ADAM32: variants seen among roughly 807,000 people sequenced by gnomAD.
ADAM32 encodes the protein disintegrin and metalloproteinase domain-containing protein 32.
Under a neutral mutation model 114.9 loss-of-function variants are expected in ADAM32, and 89 were observed. That is an observed-to-expected ratio of 0.77 (90% CI 0.65 to 0.92). The LOEUF (loss-of-function observed/expected upper bound fraction) is 0.92, where lower values mean the gene tolerates loss of function less well. Ranked by LOEUF, ADAM32 falls within the 40% of genes least tolerant of loss-of-function variation. The pLI is 0.00. For missense variants in ADAM32, 870 were observed against 932.8 expected, an observed-to-expected ratio of 0.93 and a Z score of 0.88; for synonymous variants, 285 against 307.5, an observed-to-expected ratio of 0.93 and a Z score of 0.77.
At chr8:39,282,741 C>T (rs1453589769) in intron 23 of ADAM32, among the ~76,000 whole-genome samples, 1 of 152,040 alleles carries the variant, frequency 6.6e-6, no homozygotes, top group African/African-American at 2.4e-5. Flanking sequence ...GAGCCAATTC[C>T]TTGGGTAAAC....
chr8:39,215,882 G>A (rs1808522763), intron 12 of ADAM32, among the ~76,000 whole-genome samples: 1 of 152,000 alleles, frequency 6.6e-6, no homozygotes, highest in African/African-American at 2.4e-5. Context: ...TGGATGAAAT[G>A]TTCTGTAAAT....
chr8:39,156,016 A>G (rs1487668907), intron 6 of ADAM32, among the ~76,000 whole-genome samples: 1 of 152,186 alleles, frequency 6.6e-6, no homozygotes, highest in Admixed American at 6.5e-5. Flanking sequence ...ACATTAAGCT[A>G]TGTTAATGAT....
At chr8:39,228,081 C>T (rs780606540) in intron 14 of ADAM32, among the ~76,000 whole-genome samples, 1 of 152,176 alleles carries the variant, frequency 6.6e-6, no homozygotes, top group African/African-American at 2.4e-5. Context: ...AGAGAGACAA[C>T]AATCACTGCA....
intron 4 of ADAM32, among the ~76,000 whole-genome samples, chr8:39,148,459 C>A (rs780596775): frequency 7.1e-6 from 1 of 140,782 alleles, no homozygotes; most frequent in Non-Finnish European, 1.5e-5. Flanking sequence ...GTCTCTTACT[C>A]TTAATACTCT....
chr8:39,173,432 G>GT (rs566781349), intron 10 of ADAM32, among the ~76,000 whole-genome samples: 4,236 of 146,522 alleles, frequency 0.029, 81 homozygotes, highest in Non-Finnish European at 0.046. Flanking sequence ...GTGCTGTTGA[G>GT]TTTTTTTTTT....
chr8:39,174,965 T>C (rs1433854867), intron 10 of ADAM32, among the ~76,000 whole-genome samples: 3 of 152,098 alleles, frequency 2.0e-5, no homozygotes, highest in Admixed American at 1.3e-4. Flanking sequence ...TGGGAGTTCA[T>C]TCATGATTTC....
At chr8:39,216,399 T>C (rs1374535010) in intron 12 of ADAM32, among the ~76,000 whole-genome samples, 1 of 152,048 alleles carries the variant, frequency 6.6e-6, no homozygotes, top group Non-Finnish European at 1.5e-5. Context: ...TGATTTACAT[T>C]CCATGTTATT....
At chr8:39,273,038 A>G (rs1388032226) in intron 20 of ADAM32, among the ~76,000 whole-genome samples, 2 of 151,960 alleles carry the variant, frequency 1.3e-5, no homozygotes, top group Non-Finnish European at 2.9e-5. Flanking sequence ...TTCCATCTCC[A>G]CATCTTGTCC....
At chr8:39,160,311 C>G (rs1178332254) in intron 6 of ADAM32, among the ~76,000 whole-genome samples, 2 of 152,102 alleles carry the variant, frequency 1.3e-5, no homozygotes, top group Admixed American at 1.3e-4. Context: ...GAGGCCAAGG[C>G]GGGCGGATCG....
At chr8:39,217,216 G>A (rs554740528) in intron 12 of ADAM32, among the ~76,000 whole-genome samples, 68 of 152,100 alleles carry the variant, frequency 4.5e-4, no homozygotes, top group African/African-American at 1.6e-3. Context: ...GGTTTCTGCT[G>A]AAAAGTCTGC....
chr8:39,119,817 C>G (rs4236754), intron 2 of ADAM32, among the ~76,000 whole-genome samples: 6 of 151,984 alleles, frequency 3.9e-5, no homozygotes, highest in Non-Finnish European at 5.9e-5. Flanking sequence ...GAATCCCTAA[C>G]CCCTAATGTG....
intron 11 of ADAM32, among the ~76,000 whole-genome samples, chr8:39,203,150 A>G (rs1041305173): frequency 3.9e-5 from 6 of 152,106 alleles, no homozygotes; most frequent in African/African-American, 1.4e-4. Flanking sequence ...TATTAGGTCT[A>G]CTTGGTCCAG....
chr8:39,253,694 T>G (rs952050138), intron 17 of ADAM32, among the ~76,000 whole-genome samples: 8 of 151,516 alleles, frequency 5.3e-5, no homozygotes, highest in African/African-American at 1.9e-4. Context: ...ATAAAATACT[T>G]AGGTTTAAAA....
At chr8:39,253,836 AAAT>A (rs1156304899) in intron 17 of ADAM32, among the ~76,000 whole-genome samples, 2 of 151,716 alleles carry the variant, frequency 1.3e-5, no homozygotes, top group Non-Finnish European at 3.0e-5. Flanking sequence ...CTAATAGTCA[AAAT>A]TATCTACAGA....
At chr8:39,271,564 C>T (rs932136392) in intron 20 of ADAM32, among the ~76,000 whole-genome samples, 3 of 149,872 alleles carry the variant, frequency 2.0e-5, no homozygotes, top group East Asian at 1.9e-4. Flanking sequence ...GCTTAGGATC[C>T]GCATAGAAGT....
At chr8:39,124,496 C>A (rs1302951903) in intron 2 of ADAM32, among the ~76,000 whole-genome samples, 2 of 151,272 alleles carry the variant, frequency 1.3e-5, no homozygotes, top group Non-Finnish European at 2.9e-5. Context: ...CTGCTCACTG[C>A]AAGCTCCACC....
At chr8:39,201,677 G>C (rs1415851281) in intron 11 of ADAM32, among the ~76,000 whole-genome samples, 1 of 152,134 alleles carries the variant, frequency 6.6e-6, no homozygotes, top group African/African-American at 2.4e-5. Flanking sequence ...GAATACGAGT[G>C]GTAAGAGAGG....
intron 10 of ADAM32, among the ~76,000 whole-genome samples, chr8:39,176,308 T>C (rs1805529148): frequency 6.6e-6 from 1 of 152,120 alleles, no homozygotes; most frequent in Non-Finnish European, 1.5e-5. Context: ...TTCTAGCTTT[T>C]TGATGTGGCC....
intron 16 of ADAM32, among the ~76,000 whole-genome samples, 188 bp downstream of exon 16, chr8:39,234,270 C>T (rs1374660080): frequency 1.3e-5 from 2 of 149,936 alleles, no homozygotes; most frequent in Non-Finnish European, 3.0e-5. Flanking sequence ...CACCCCCTCC[C>T]ACCCCCCATT....
Sources: gnomAD v4.1 joint callset for allele counts (sites outside exome capture counted in the v4.1 genomes callset) on GRCh38, gnomAD v4.1.1 for gene constraint, MANE v1.5 for transcripts, NCBI Gene and HGNC (gene_info 2026-07-23, HGNC 2026-07-21) for gene names.